Variants in MAP3K13 observed in about 807,000 individuals in gnomAD.
MAP3K13 encodes leucine zipper-bearing kinase.
In MAP3K13, 52 loss-of-function variants were observed where a neutral mutation model predicts 104.0. The observed-to-expected ratio is 0.50, with a 90% CI of 0.40 to 0.63. MAP3K13 has a LOEUF of 0.63. Among genes scored for constraint, MAP3K13 ranks in the 20% least tolerant of loss-of-function variants. MAP3K13 has a pLI of 0.00. For missense variants in MAP3K13, 914 were observed against 1,218.5 expected (o/e 0.75, Z 3.72); for synonymous variants, 394 against 442.2 (o/e 0.89, Z 1.37).
At chr3:185,382,556 C>A (rs1458720154) in intron 1 of MAP3K13, among the ~76,000 whole-genome samples, 1 of 152,036 alleles carries the variant, frequency 6.6e-6, no homozygotes, top group Admixed American at 6.5e-5. Context: ...CCTCCAAACC[C>A]ATCTTGAAAT....
Position 185,418,902 on chromosome 3 carries a change from GA to G in MAP3K13, c.-85-9593del, listed in dbSNP as rs1713962983. On this transcript the variant is annotated intron_variant, in intron 1 of 13. Transcript: ENST00000265026. The surrounding 1 kb of genome is among the most constrained non-coding windows in gnomAD (Gnocchi z 4.5). ...AATCATGATCATTCTGCCTTTTCTAGAATCAAATGTGAATCTCATTAGTAGA... is the reference window on the plus strand; with the variant it reads ...AATCATGATCATTCTGCCTTTTCTAGATCAAATGTGAATCTCATTAGTAGA... The G allele has an allele frequency of 2.8e-6, 3 of 1,071,962 alleles. No individual in the cohort carries two copies. The highest frequency in any genetic ancestry group is 3.9e-6 in the Non-Finnish European group (3 of 764,382). The allele number at this position is 1,071,962 out of a possible 1,614,324, so 66.4% of individuals were successfully genotyped here.
chr3:185,405,756 A>C (rs1713079725), intron 1 of MAP3K13, among the ~76,000 whole-genome samples: 1 of 152,210 alleles, frequency 6.6e-6, no homozygotes. Flanking sequence ...ACTGTGCTTG[A>C]AGGCTAAAGT....
intron 2 of MAP3K13, among the ~76,000 whole-genome samples, chr3:185,307,546 C>CCCCCCCCCCCCCCCCCCCCCCCG (rs58408265): frequency 9.6e-6 from 1 of 103,978 alleles, no homozygotes; most frequent in Non-Finnish European, 1.8e-5. Context: ...GCACCACCCC[C>CCCCCCCCCCCCCCCCCCCCCCCG]TCCCCCGCCA....
In MAP3K13 at chr3:185,483,813, A is replaced by G. The variant is rs781682536; in HGVS notation, c.*1357A>G. 2.0e-5 allele frequency: 3 copies of G among 146,826 alleles called. No homozygotes were observed. Among genetic ancestry groups the G allele is most frequent in the African/African-American group, 5.4e-5 (2 of 37,280 alleles). 9.1% of individuals were successfully genotyped at this position (146,826 alleles called of 1,614,324 possible). On this transcript the variant is annotated 3_prime_UTR_variant, in exon 14 of 14. Transcript: ENST00000265026. ...CTGCAACCTCCATCTCCCAGGTTCA[A>G]GCGATTCTCCTGCCTCAGCCTCCCG... is the stretch of plus-strand genomic sequence containing the variant.
intron 2 of MAP3K13, among the ~76,000 whole-genome samples, chr3:185,297,741 AAAAAAAAAG>A (rs1341063387): frequency 2.0e-5 from 2 of 100,272 alleles, no homozygotes. Context: ...TCTCAAAAAA[AAAAAAAAAG>A]AAAAGAAAAG....
intron 1 of MAP3K13, among the ~76,000 whole-genome samples, chr3:185,284,095 C>A (rs1720416239): frequency 6.6e-6 from 1 of 151,780 alleles, no homozygotes; most frequent in African/African-American, 2.4e-5. Flanking sequence ...GCCTCGGCCT[C>A]CCAAAGTGCT....
chr3:185,420,156 A>T (rs1483935330), intron 1 of MAP3K13, among the ~76,000 whole-genome samples: 2 of 151,668 alleles, frequency 1.3e-5, no homozygotes, highest in Non-Finnish European at 2.9e-5. Context: ...ATGAAATATT[A>T]TAAAGAAGAT....
rs1718725732 is a variant in MAP3K13 at position 185,486,535 on chromosome 3, G to A, written c.*4079G>A. 1 of 152,200 alleles carries A rather than the reference G, an allele frequency of 6.6e-6. No homozygotes were observed. The highest frequency in any genetic ancestry group is 2.1e-4 in the South Asian group (1 of 4,836). The allele number at this position is 152,200 out of a possible 1,614,324, so 9.4% of individuals were successfully genotyped here. On this transcript the variant is annotated 3_prime_UTR_variant, in exon 14 of 14. Coordinates refer to ENST00000265026, the MANE Select transcript of MAP3K13 (RefSeq NM_004721.5). Reference sequence around the variant, plus strand: ...GAACGACTCCACAGTCATCTGAAGAGTGTTGAATCAAGAGCTCAGGGAAGT... The same window carrying A: ...GAACGACTCCACAGTCATCTGAAGAATGTTGAATCAAGAGCTCAGGGAAGT...
chr3:185,426,896 T>A (rs1221057797), intron 1 of MAP3K13, among the ~76,000 whole-genome samples: 1 of 152,228 alleles, frequency 6.6e-6, no homozygotes, highest in African/African-American at 2.4e-5. Context: ...TGATTGATTA[T>A]AAGCACTGTT....
chr3:185,371,386 CAT>C (rs1250503468), intron 1 of MAP3K13, among the ~76,000 whole-genome samples: 1 of 152,218 alleles, frequency 6.6e-6, no homozygotes, highest in Non-Finnish European at 1.5e-5. Context: ...AAAATGCAAT[CAT>C]GTGTTGCAGG....
intron 1 of MAP3K13, among the ~76,000 whole-genome samples, chr3:185,415,912 G>A (rs760604992): frequency 2.6e-5 from 4 of 152,022 alleles, no homozygotes; most frequent in East Asian, 1.9e-4. Flanking sequence ...CTACAACTAC[G>A]TAGTATTAAT....
At chr3:185,395,926 A>C (rs1712387059) in intron 1 of MAP3K13, among the ~76,000 whole-genome samples, 1 of 151,598 alleles carries the variant, frequency 6.6e-6, no homozygotes, top group Non-Finnish European at 1.5e-5. Flanking sequence ...CAATCTGCCC[A>C]TCTTAGTCTC....
intron 2 of MAP3K13, among the ~76,000 whole-genome samples, chr3:185,311,150 C>A (rs1165331308): frequency 6.6e-6 from 1 of 152,144 alleles, no homozygotes; most frequent in Non-Finnish European, 1.5e-5. Context: ...TTGTTTCCTC[C>A]TTTCGTAGTT....
chr3:185,330,691 A>G (rs1722232597), intron 2 of MAP3K13, among the ~76,000 whole-genome samples: 1 of 152,132 alleles, frequency 6.6e-6, no homozygotes, highest in Non-Finnish European at 1.5e-5. Context: ...GGAAGGCCAT[A>G]CAGGTGTGTA....
chr3:185,473,351 G>C lies in MAP3K13; in HGVS notation c.2020G>C (p.Gly674Arg). 5 of 1,614,166 alleles carry C rather than the reference G, an allele frequency of 3.1e-6. No homozygotes were observed. Among genetic ancestry groups the C allele is most frequent in the Non-Finnish European group, 4.2e-6 (5 of 1,180,018 alleles). Residue 674 changes from glycine to arginine, a missense_variant, in exon 11 of 14, where the codon GGC becomes CGC. Coordinates refer to ENST00000265026, the MANE Select transcript of MAP3K13 (RefSeq NM_004721.5). The surrounding 1 kb of genome is among the most constrained non-coding windows in gnomAD (Gnocchi z 4.9). ...ATCANNLRYF[G>R]PAAALRSPLS... ...CTGCGCCAACAACCTGAGGTATTTC[G>C]GCCCAGCAGCAGCCCTGCGGAGCCC...
chr3:185,444,876 A>G (rs1992452), intron 4 of MAP3K13, among the ~76,000 whole-genome samples: 112,894 of 151,662 alleles, frequency 0.74, 44,022 homozygotes, highest in Non-Finnish European at 0.87. Flanking sequence ...CAAGCTACTC[A>G]GGAGGCTGAG....
Position 185,418,753 on chromosome 3 carries a change from G to A in MAP3K13, c.-85-9744G>A, listed in dbSNP as rs1577534219. On this transcript the variant is annotated intron_variant, in intron 1 of 13. Transcript: ENST00000265026. This position sits in a 1 kb window ranked among gnomAD's most constrained non-coding sequence, Gnocchi z 4.5. The stretch of plus-strand genomic sequence containing the variant: ...TGACTCCCCCTTTTCGGAGTACACC[G>A]ATATCATTGGGCGAGCACACGCCAT... The A allele has an allele frequency of 1.9e-6, 3 of 1,608,454 alleles. No individual in the cohort carries two copies. Among genetic ancestry groups the A allele is most frequent in the Admixed American group, 1.7e-5 (1 of 59,872 alleles).
intron 2 of MAP3K13, among the ~76,000 whole-genome samples, chr3:185,335,507 G>A (rs1321826841): frequency 6.6e-6 from 1 of 152,142 alleles, no homozygotes; most frequent in African/African-American, 2.4e-5. Context: ...GGGGCAAAGA[G>A]TGACTAAAGG....
At chr3:185,433,920 G>A (rs1279003750) in intron 2 of MAP3K13, among the ~76,000 whole-genome samples, 1 of 151,960 alleles carries the variant, frequency 6.6e-6, no homozygotes, top group Non-Finnish European at 1.5e-5. Flanking sequence ...GTATCCTAAA[G>A]CAATATGAAA....
Sources: allele counts gnomAD v4.1 joint callset (sites outside exome capture counted in the v4.1 genomes callset), GRCh38; gene constraint gnomAD v4.1.1; non-coding constraint Gnocchi (gnomAD v3.1); transcripts MANE v1.5; gene names NCBI Gene and HGNC (gene_info 2026-07-23, HGNC 2026-07-21).